TEF: variants seen among roughly 807,000 people sequenced by gnomAD.
TEF encodes thyrotroph embryonic factor.
Under a neutral mutation model 20.8 loss-of-function variants are expected in TEF, and 3 were observed. The observed-to-expected ratio is 0.14, with a 90% CI of 0.07 to 0.37. The LOEUF (loss-of-function observed/expected upper bound fraction) is 0.37. Ranked by LOEUF, TEF falls within the 10% of genes least tolerant of loss-of-function variation. The probability of loss-of-function intolerance (pLI) is 1.00; values close to 1 mark genes in which losing one functional copy is unlikely to be tolerated. For missense variants in TEF, 296 were observed against 397.9 expected (o/e 0.74, Z 2.18); for synonymous variants, 180 against 171.1 (o/e 1.05, Z -0.41).
At chr22:41,382,977 T>C in intron 1 of TEF, 1 of 470,974 alleles carries the variant, frequency 2.1e-6, no homozygotes, top group South Asian at 1.5e-5. Flanking sequence ...CTGGGGCGTA[T>C]ACGGAAAGCA....
chr22:41,380,695 A>G (rs906451606), upstream of TEF, among the ~76,000 whole-genome samples: 1 of 152,124 alleles, frequency 6.6e-6, no homozygotes, highest in African/African-American at 2.4e-5. Flanking sequence ...TACTATAAAG[A>G]GGTACAAAGT....
At chr22:41,379,790 A>G (rs1037846975), upstream of TEF, among the ~76,000 whole-genome samples, 36 of 142,820 alleles carry the variant, frequency 2.5e-4, no homozygotes, top group African/African-American at 9.1e-4. Flanking sequence ...CTATTCGGGA[A>G]GCTGAGGCAG....
chr22:41,382,740 T>G (rs1406817388), intron 1 of TEF, among the ~76,000 whole-genome samples: 1 of 151,324 alleles, frequency 6.6e-6, no homozygotes, highest in Non-Finnish European at 1.5e-5. Flanking sequence ...AGCTACTAGG[T>G]CCAACGGGAG....
chr22:41,367,827 C>T (rs188510693), intron 1 of TEF, among the ~76,000 whole-genome samples: 1 of 152,242 alleles, frequency 6.6e-6, no homozygotes, highest in Non-Finnish European at 1.5e-5. Flanking sequence ...AAGCCATGGC[C>T]AGTGTGTGGC....
chr22:41,379,325 T>A (rs1234358637), upstream of TEF, among the ~76,000 whole-genome samples: 1 of 145,068 alleles, frequency 6.9e-6, no homozygotes, highest in Admixed American at 6.9e-5. Context: ...GGCTACAGAG[T>A]GAGACTCTGT....
upstream of TEF, among the ~76,000 whole-genome samples, chr22:41,381,482 C>CGGAT (rs1476334815): frequency 6.6e-6 from 1 of 152,182 alleles, no homozygotes; most frequent in East Asian, 1.9e-4. Context: ...AGCAGGAGCT[C>CGGAT]GGATAGGTCG....
intron 1 of TEF, among the ~76,000 whole-genome samples, chr22:41,375,640 T>C (rs2036932190): frequency 6.7e-6 from 1 of 149,996 alleles, no homozygotes; most frequent in Non-Finnish European, 1.5e-5. Context: ...AGGAGAATGG[T>C]GTGAACCCAG....
chr22:41,387,746 A>T, intron 2 of TEF, 78 bp downstream of exon 2: 1 of 1,434,448 alleles, frequency 7.0e-7, no homozygotes, highest in Non-Finnish European at 9.4e-7. Context: ...GCTTGTGTCC[A>T]TGTACCCAGT....
chr22:41,380,380 T>C (rs1033308662), upstream of TEF, among the ~76,000 whole-genome samples: 5 of 152,202 alleles, frequency 3.3e-5, no homozygotes, highest in Non-Finnish European at 7.3e-5. Flanking sequence ...GGTCTCGAAC[T>C]CCTGACCTCA....
At chr22:41,385,369 A>G (rs903220384) in intron 1 of TEF, among the ~76,000 whole-genome samples, 2 of 152,186 alleles carry the variant, frequency 1.3e-5, no homozygotes, top group African/African-American at 4.8e-5. Flanking sequence ...TCATAAAAAA[A>G]AAAAAGTTAT....
At chr22:41,386,460 G>T (rs533294019) in intron 1 of TEF, among the ~76,000 whole-genome samples, 3 of 151,316 alleles carry the variant, frequency 2.0e-5, no homozygotes, top group Non-Finnish European at 4.4e-5. Flanking sequence ...AATAAAACAG[G>T]CTGGGCGTGG....
intron 1 of TEF, chr22:41,369,886 G>A (rs2036861095): frequency 3.0e-6 from 3 of 985,130 alleles, no homozygotes; most frequent in Non-Finnish European, 3.6e-6. Flanking sequence ...CAGTGGAAGG[G>A]GGCAGTTATC....
At chr22:41,395,622 T>C (rs2037218054) in intron 3 of TEF, 123 bp from the exon 4 acceptor site, 2 of 959,864 alleles carry the variant, frequency 2.1e-6, no homozygotes, top group African/African-American at 1.6e-5. Context: ...GCTCCCTCCC[T>C]GGTATCCCTG....
chr22:41,367,607 C>T (rs1488279807), intron 1 of TEF: 4 of 1,550,894 alleles, frequency 2.6e-6, no homozygotes, highest in Admixed American at 2.0e-5. Context: ...CAGGTAGGAG[C>T]ACAGGTGACC....
intron 1 of TEF, among the ~76,000 whole-genome samples, chr22:41,372,411 G>A (rs753913748): frequency 9.9e-5 from 15 of 152,216 alleles, no homozygotes; most frequent in Non-Finnish European, 1.8e-4. Flanking sequence ...TCCTGAGCGT[G>A]AGCCAGGACT....
upstream of TEF, among the ~76,000 whole-genome samples, chr22:41,381,038 T>C (rs900457473): frequency 6.6e-6 from 1 of 152,114 alleles, no homozygotes; most frequent in Non-Finnish European, 1.5e-5. Context: ...GGCGGAAACA[T>C]GTACTCGGGC....
upstream of TEF, among the ~76,000 whole-genome samples, chr22:41,377,862 G>T (rs1156354456): frequency 1.3e-5 from 2 of 152,134 alleles, no homozygotes; most frequent in Non-Finnish European, 2.9e-5. Context: ...AGCGTCACTT[G>T]CCTGTTAGGG....
chr22:41,382,781 G>C (rs1459698425), intron 1 of TEF, among the ~76,000 whole-genome samples: 1 of 151,866 alleles, frequency 6.6e-6, no homozygotes, highest in East Asian at 1.9e-4. Flanking sequence ...TGCTGAGCGG[G>C]TGGGGGGGGT....
Position 41,396,952 on chromosome 22 carries a change from G to C in TEF, c.*992G>C. On this transcript the variant is annotated 3_prime_UTR_variant, in exon 4 of 4. Transcript: ENST00000266304. ...CAGCCCCCTTCCACCATGGGCATGA[G>C]AGCTGGGGTGTGTTTCTTGAGAAGC... is the stretch of plus-strand genomic sequence containing the variant. The C allele has an allele frequency of 2.5e-6, 1 of 398,734 alleles. No individual in the cohort carries two copies. Among genetic ancestry groups the C allele is most frequent in the Non-Finnish European group, 4.4e-6 (1 of 226,190 alleles). 24.7% of individuals were successfully genotyped at this position (398,734 alleles called of 1,614,324 possible). A position where few individuals can be genotyped will look rare whatever the true frequency, so the allele number is the denominator to read the frequency against.
Sources: allele counts gnomAD v4.1 joint callset (sites outside exome capture counted in the v4.1 genomes callset), GRCh38; gene constraint gnomAD v4.1.1; transcripts MANE v1.5; gene names NCBI Gene and HGNC (gene_info 2026-07-23, HGNC 2026-07-21).